Variants in ENPP1 observed in about 807,000 individuals in gnomAD.
ENPP1 encodes ectonucleotide pyrophosphatase/phosphodiesterase family member 1.
In ENPP1, 73 loss-of-function variants were observed where a neutral mutation model predicts 122.8. The observed-to-expected ratio is 0.59, with a 90% CI of 0.49 to 0.72. ENPP1 has a LOEUF of 0.72. ENPP1 is among the 30% of genes least tolerant of loss of function. The pLI, the probability that ENPP1 is intolerant of heterozygous loss-of-function variation, is 0.00. For missense variants in ENPP1, 978 were observed against 1,128.1 expected, an observed-to-expected ratio of 0.87 and a Z score of 1.91; for synonymous variants, 367 against 391.6, an observed-to-expected ratio of 0.94 and a Z score of 0.74.
rs764155541 is a variant in ENPP1 at position 131,854,972 on chromosome 6, G to A, written c.664G>A (p.Ala222Thr). 12 of 1,613,686 alleles carry A rather than the reference G, an allele frequency of 7.4e-6. No individual in the cohort carries two copies. Among genetic ancestry groups the A allele is most frequent in the Non-Finnish European group, 9.3e-6 (11 of 1,179,760 alleles). Residue 222 changes from alanine (A) to threonine (T), a missense_variant, in exon 6 of 25, where the codon GCA becomes ACA. Around this residue, in one of 3 missense-constraint regions of ENPP1, gnomAD observed 330 missense variants for 328.5 expected, o/e 1.00. Coordinates refer to ENST00000647893, the MANE Select transcript of ENPP1 (RefSeq NM_006208.3). Reference protein sequence around the residue: ...TLLFSLDGFRAEYLHTWGGLL... With the variant: ...TLLFSLDGFRTEYLHTWGGLL... ...CTTATTTTCTTTGGATGGATTCAGG[G>A]CAGAATATTTACACACTTGGGGTGG... is the stretch of plus-strand genomic sequence containing the variant.
chr6:131,875,763 T>C lies in ENPP1; in HGVS notation c.1636-13T>C. ...TGAAATGCACTGATAAACTTCCTTT[T>C]CTGGCCATCTAGGCCCTCTTTGTTG... On this transcript the variant is annotated splice_polypyrimidine_tract_variant and intron_variant, in intron 16 of 24. Transcript: ENST00000647893. The C allele has an allele frequency of 1.2e-6, 2 of 1,611,438 alleles. No homozygotes were observed. Among genetic ancestry groups the C allele is most frequent in the South Asian group, 2.2e-5 (2 of 91,012 alleles).
chr6:131,844,386 C>G (rs554613336), intron 1 of ENPP1, among the ~76,000 whole-genome samples: 1 of 152,186 alleles, frequency 6.6e-6, no homozygotes. Flanking sequence ...GTGCAAATAG[C>G]AAGTGCAAGT....
intron 2 of ENPP1, among the ~76,000 whole-genome samples, chr6:131,849,723 C>T (rs1040973940): frequency 9.2e-5 from 14 of 152,062 alleles, no homozygotes; most frequent in Non-Finnish European, 1.6e-4. Context: ...GACCCAGTAA[C>T]GTTTGTAATA....
In ENPP1 at chr6:131,891,840, G is replaced by T. The variant is rs1782475869; in HGVS notation, c.*1329G>T. The T allele has an allele frequency of 6.7e-6, 1 of 149,320 alleles. No individual in the cohort carries two copies. The highest frequency in any genetic ancestry group is 2.5e-5 in the African/African-American group (1 of 40,410). The allele number at this position is 149,320 out of a possible 1,614,324, so 9.2% of individuals were successfully genotyped here. A position where few individuals can be genotyped will look rare whatever the true frequency, so the allele number is the denominator to read the frequency against. ...TGCTTCTCTCTGTTGTTCAGATTAG[G>T]TAATTTTATTCTTCTGTCTCGAAGC... On this transcript the variant is annotated 3_prime_UTR_variant, in exon 25 of 25. Coordinates refer to ENST00000647893, the MANE Select transcript of ENPP1 (RefSeq NM_006208.3).
chr6:131,886,503 A>G (rs1336276637), intron 23 of ENPP1, 59 bp from the exon 24 acceptor site: 7 of 1,278,274 alleles, frequency 5.5e-6, no homozygotes, highest in Admixed American at 3.7e-5. Flanking sequence ...CTACTGAAAT[A>G]TTCATCAAAA....
chr6:131,884,284 G>T (rs1782349432), intron 22 of ENPP1, among the ~76,000 whole-genome samples: 1 of 152,116 alleles, frequency 6.6e-6, no homozygotes, highest in South Asian at 2.1e-4. Flanking sequence ...TTAATATTCA[G>T]ATATTAATAG....
chr6:131,839,445 G>C lies in ENPP1; in HGVS notation c.241-8331G>C, dbSNP rs941117809. Reference sequence around the variant, plus strand: ...AGCTTTGAGTATTCAGGCAGAATTTGTTTATTGAAGTTTGCTTAAGGTAAA... The same window carrying C: ...AGCTTTGAGTATTCAGGCAGAATTTCTTTATTGAAGTTTGCTTAAGGTAAA... On this transcript the variant is annotated intron_variant, in intron 1 of 24. Coordinates refer to ENST00000647893, the MANE Select transcript of ENPP1 (RefSeq NM_006208.3). 1.4e-4 allele frequency among the ~76,000 whole-genome samples: 22 copies of C among 151,986 alleles called. 1 individual carries two copies. Among genetic ancestry groups the C allele is most frequent in the Non-Finnish European group, 3.2e-4 (22 of 67,964 alleles).
In ENPP1 at chr6:131,852,233, A is replaced by C. The variant is rs1185735426; in HGVS notation, c.615A>C (p.Ala205=). Residue 205 remains alanine, a splice_region_variant and synonymous_variant, in exon 5 of 25, where the codon GCA becomes GCC. Coordinates refer to ENST00000647893, the MANE Select transcript of ENPP1 (RefSeq NM_006208.3). ...CESINEPQCP[A]GFETPPTLLF... is the part of the protein sequence containing the mutation. The stretch of plus-strand genomic sequence containing the variant: ...GCATTAATGAGCCACAGTGCCCAGC[A>C]GGGTAAGATTATATTCTGAGGTATT... The C allele has an allele frequency of 1.3e-6, 2 of 1,597,414 alleles. No individual in the cohort carries two copies. Among genetic ancestry groups the C allele is most frequent in the Admixed American group, 3.3e-5 (2 of 59,970 alleles).
chr6:131,812,756 A>G (rs568006635), intron 1 of ENPP1, among the ~76,000 whole-genome samples: 2 of 152,208 alleles, frequency 1.3e-5, no homozygotes, highest in Non-Finnish European at 2.9e-5. Context: ...AAAGACATAA[A>G]TCAGTACATG....
Position 131,877,753 on chromosome 6 carries a change from T to G in ENPP1, c.1893+592T>G, listed in dbSNP as rs1178580767. The G allele has an allele frequency of 2.8e-5, 4 of 145,236 alleles. No homozygotes were observed. The Admixed American group carries it at 2.8e-4, about 10-fold the overall frequency. 9.0% of individuals were successfully genotyped at this position (145,236 alleles called of 1,614,324 possible). On this transcript the variant is annotated intron_variant, in intron 18 of 24. Coordinates refer to ENST00000647893, the MANE Select transcript of ENPP1 (RefSeq NM_006208.3). Reference sequence around the variant, plus strand: ...ACTTGGGAGGCTGAGGCAGGAGAATTGTTTGAACCTGGGAGGCGGAGGTTG... The same window carrying G: ...ACTTGGGAGGCTGAGGCAGGAGAATGGTTTGAACCTGGGAGGCGGAGGTTG...
chr6:131,848,532 T>C (rs868263103), intron 2 of ENPP1, among the ~76,000 whole-genome samples: 1 of 152,134 alleles, frequency 6.6e-6, no homozygotes, highest in South Asian at 2.1e-4. Flanking sequence ...ATTTAAAAAA[T>C]TTTTAGTGAT....
chr6:131,854,850 A>G (rs1276998051), intron 5 of ENPP1, 76 bp from the exon 6 acceptor site: 49 of 1,010,088 alleles, frequency 4.9e-5, no homozygotes, highest in Non-Finnish European at 7.4e-5. Flanking sequence ...ACCTGTGCCA[A>G]GAAGGGGGTA....
chr6:131,854,849 A>G, intron 5 of ENPP1, 77 bp from the exon 6 acceptor site: 2 of 1,006,364 alleles, frequency 2.0e-6, no homozygotes, highest in Non-Finnish European at 3.2e-6. Context: ...GACCTGTGCC[A>G]AGAAGGGGGT....
rs546543400 is a variant in ENPP1, at chr6:131,874,702, GA to G, written c.1635+373del. Among the ~76,000 whole-genome samples the G allele has an allele frequency of 4.0e-5, 6 of 151,602 alleles. No individual in the cohort carries two copies. The East Asian group carries it at 1.2e-3, about 29-fold the overall frequency. On this transcript the variant is annotated intron_variant, in intron 16 of 24. Transcript: ENST00000647893. Reference sequence around the variant, plus strand: ...CCCACTACTGGGTATCTACCCAAAGGAAAAAAAATAATCAGTTTATCAAAGA... The same window carrying G: ...CCCACTACTGGGTATCTACCCAAAGGAAAAAAATAATCAGTTTATCAAAGA...
intron 1 of ENPP1, among the ~76,000 whole-genome samples, chr6:131,821,722 A>G (rs1781487018): frequency 6.6e-6 from 1 of 151,976 alleles, no homozygotes; most frequent in African/African-American, 2.4e-5. Context: ...TCAGCCATCC[A>G]TCTATCAAAA....
intron 1 of ENPP1, chr6:131,826,851 C>T (rs1165287413): frequency 2.7e-6 from 1 of 374,676 alleles, no homozygotes; most frequent in Non-Finnish European, 5.0e-6. Context: ...CTGTGTGGGG[C>T]AGAAAAGTTT....
intron 1 of ENPP1, among the ~76,000 whole-genome samples, chr6:131,819,337 G>A (rs1781455667): frequency 1.3e-5 from 2 of 152,122 alleles, no homozygotes; most frequent in Non-Finnish European, 2.9e-5. Flanking sequence ...ATTAATTCAA[G>A]AGCACAGATA....
intron 16 of ENPP1, among the ~76,000 whole-genome samples, chr6:131,874,947 G>A (rs1444894367): frequency 1.3e-5 from 2 of 152,104 alleles, no homozygotes; most frequent in Admixed American, 6.6e-5. Context: ...TATCCTTAGT[G>A]AAATAACTCA....
intron 11 of ENPP1, among the ~76,000 whole-genome samples, chr6:131,867,171 G>T (rs1475908771): frequency 6.6e-6 from 1 of 152,148 alleles, no homozygotes; most frequent in Non-Finnish European, 1.5e-5. Context: ...AGTTCATGTT[G>T]CTTGGATAAC....
Sources: gnomAD v4.1 joint callset for allele counts (sites outside exome capture counted in the v4.1 genomes callset) on GRCh38, gnomAD v4.1.1 for gene constraint, gnomAD v4.1.1 regional missense constraint, MANE v1.5 for transcripts, NCBI Gene and HGNC (gene_info 2026-07-23, HGNC 2026-07-21) for gene names.